XKR9: variants seen among roughly 807,000 people sequenced by gnomAD.
XKR9 encodes the protein XK-related protein 9.
XKR9 carries 32 observed loss-of-function variants against 32.0 expected under a neutral mutation model. That is an observed-to-expected ratio of 1.00 (90% CI 0.76 to 1.34). XKR9 has a LOEUF of 1.34. XKR9 is among the 40% of genes most tolerant of loss of function. The probability of loss-of-function intolerance (pLI) is 0.00; values close to 1 mark genes in which losing one functional copy is unlikely to be tolerated. For synonymous variants in XKR9, 168 were observed against 143.4 expected, an observed-to-expected ratio of 1.17 and a Z score of -1.22; for missense variants, 546 against 429.7, an observed-to-expected ratio of 1.27 and a Z score of -2.39.
At chr8:70,887,664 GTATTT>G in the XKR9 span, among the ~76,000 whole-genome samples, 1 of 151,992 alleles carries the variant, frequency 6.6e-6, no homozygotes, top group Non-Finnish European at 1.5e-5. Context: ...GTATTCCTAG[GTATTT>G]TATTTTCTTT....
chr8:70,826,693 G>C, the XKR9 span, among the ~76,000 whole-genome samples: 15 of 152,240 alleles, frequency 9.9e-5, no homozygotes, highest in Non-Finnish European at 1.8e-4. Context: ...TTCACTGTAA[G>C]TGTAATATCC....
At chr8:70,899,477 T>C in the XKR9 span, among the ~76,000 whole-genome samples, 1 of 151,610 alleles carries the variant, frequency 6.6e-6, no homozygotes, top group African/African-American at 2.4e-5. Context: ...TATCCACTGC[T>C]CAATTTTGCA....
chr8:71,035,584 T>C, the XKR9 span, among the ~76,000 whole-genome samples: 4 of 152,212 alleles, frequency 2.6e-5, no homozygotes, highest in African/African-American at 9.7e-5. Flanking sequence ...ACATATCAGA[T>C]AGTTTTTGAA....
the XKR9 span, among the ~76,000 whole-genome samples, chr8:70,875,178 G>A: frequency 2.0e-5 from 3 of 152,016 alleles, no homozygotes; most frequent in Admixed American, 1.3e-4. Context: ...TCTCATCCTC[G>A]TGTACACATT....
the XKR9 span, among the ~76,000 whole-genome samples, chr8:70,802,715 C>A: frequency 3.6e-4 from 55 of 152,282 alleles, no homozygotes; most frequent in East Asian, 7.3e-3. Flanking sequence ...TGAAAAGGAT[C>A]TTATTTCTCC....
At chr8:70,939,131 C>T in the XKR9 span, among the ~76,000 whole-genome samples, 1 of 152,022 alleles carries the variant, frequency 6.6e-6, no homozygotes, top group African/African-American at 2.4e-5. Flanking sequence ...CTCCTTCAAG[C>T]TTTTATTGTA....
At chr8:71,026,500 G>C in the XKR9 span, among the ~76,000 whole-genome samples, 3 of 152,190 alleles carry the variant, frequency 2.0e-5, no homozygotes, top group African/African-American at 4.8e-5. Context: ...TGTTATGATA[G>C]AAGAAAGTAT....
the XKR9 span, among the ~76,000 whole-genome samples, chr8:70,945,347 A>G: frequency 6.6e-6 from 1 of 152,194 alleles, no homozygotes; most frequent in African/African-American, 2.4e-5. Flanking sequence ...GTGGATTTAT[A>G]CTGCTGAGTA....
the XKR9 span, among the ~76,000 whole-genome samples, chr8:70,865,948 G>A: frequency 6.6e-6 from 1 of 152,156 alleles, no homozygotes; most frequent in African/African-American, 2.4e-5. Flanking sequence ...GTAGGGTGAA[G>A]GAAAGTATTG....
intron 4 of XKR9, among the ~76,000 whole-genome samples, chr8:70,725,813 G>A (rs894491693): frequency 6.6e-6 from 1 of 152,148 alleles, no homozygotes; most frequent in African/African-American, 2.4e-5. Context: ...GGCTGAGGCA[G>A]GAGAGTCAAT....
At chr8:70,828,693 C>A in the XKR9 span, among the ~76,000 whole-genome samples, 2 of 145,996 alleles carry the variant, frequency 1.4e-5, no homozygotes, top group African/African-American at 5.1e-5. Context: ...TGCACTCCAG[C>A]CTGGGTGACA....
At chr8:70,851,999 CTACAGAAT>C in the XKR9 span, among the ~76,000 whole-genome samples, 1 of 152,212 alleles carries the variant, frequency 6.6e-6, no homozygotes, top group African/African-American at 2.4e-5. Flanking sequence ...AACAGGCAAT[CTACAGAAT>C]GTGGGAAAAT....
chr8:70,951,873 G>GT, the XKR9 span, among the ~76,000 whole-genome samples: 1 of 94,506 alleles, frequency 1.1e-5, no homozygotes, highest in African/African-American at 4.3e-5. Context: ...TCATTGGGGG[G>GT]GGGGTGGTTC....
intron 2 of XKR9, among the ~76,000 whole-genome samples, chr8:70,772,129 A>G (rs1049864288): frequency 6.6e-6 from 1 of 152,198 alleles, no homozygotes; most frequent in Non-Finnish European, 1.5e-5. Context: ...TTGAGAATGT[A>G]TTATCTTTGC....
the XKR9 span, among the ~76,000 whole-genome samples, chr8:70,998,714 G>A: frequency 3.3e-5 from 5 of 152,166 alleles, no homozygotes; most frequent in African/African-American, 4.8e-5. Flanking sequence ...CTTTAGTGGG[G>A]AAAGGAGCTC....
chr8:70,732,248 TACTC>T (rs1173310831), intron 4 of XKR9, among the ~76,000 whole-genome samples: 1 of 152,224 alleles, frequency 6.6e-6, no homozygotes, highest in East Asian at 1.9e-4. Context: ...ACGCCTAGGA[TACTC>T]ACCAAACCAG....
intron 3 of XKR9, among the ~76,000 whole-genome samples, chr8:70,692,397 AT>A (rs1805106959): frequency 7.3e-6 from 1 of 137,084 alleles, no homozygotes; most frequent in African/African-American, 2.5e-5. Context: ...TAGTATTTGG[AT>A]GCCCTTTGTT....
At chr8:70,889,704 G>A in the XKR9 span, among the ~76,000 whole-genome samples, 3 of 151,842 alleles carry the variant, frequency 2.0e-5, no homozygotes, top group East Asian at 1.9e-4. Context: ...CATTTGCTTA[G>A]GATAGTGGCC....
At chr8:70,873,996 C>A in the XKR9 span, among the ~76,000 whole-genome samples, 1 of 152,188 alleles carries the variant, frequency 6.6e-6, no homozygotes, top group Non-Finnish European at 1.5e-5. Flanking sequence ...TGAGGTGTAA[C>A]CCTCCACTAA....
Sources: allele counts gnomAD v4.1 joint callset (sites outside exome capture counted in the v4.1 genomes callset), GRCh38; gene constraint gnomAD v4.1.1; transcripts MANE v1.5; gene names NCBI Gene and HGNC (gene_info 2026-07-23, HGNC 2026-07-21).